CSRNP3: variants seen among roughly 807,000 people sequenced by gnomAD.
The protein encoded by CSRNP3 is cysteine/serine-rich nuclear protein 3.
Under a neutral mutation model 48.0 loss-of-function variants are expected in CSRNP3, and 12 were observed. That is an observed-to-expected ratio of 0.25 (90% CI 0.16 to 0.41). CSRNP3 has a LOEUF of 0.41. Ranked by LOEUF, CSRNP3 falls within the 10% of genes least tolerant of loss-of-function variation. The pLI, the probability that CSRNP3 is intolerant of heterozygous loss-of-function variation, is 1.00. For synonymous variants in CSRNP3, 263 were observed against 269.7 expected (o/e 0.98, Z 0.24); for missense variants, 580 against 724.4 (o/e 0.80, Z 2.29).
intron 3 of CSRNP3, among the ~76,000 whole-genome samples, chr2:165,538,153 A>G (rs1219990589): frequency 6.6e-6 from 1 of 151,994 alleles, no homozygotes; most frequent in South Asian, 2.1e-4. Context: ...TATTCATCCC[A>G]CAACACAGGA....
intron 5 of CSRNP3, among the ~76,000 whole-genome samples, chr2:165,660,148 C>T (rs1027665332): frequency 1.3e-5 from 2 of 152,156 alleles, no homozygotes; most frequent in Admixed American, 1.3e-4. Context: ...CACGGCAAAC[C>T]AACTCTACCC....
At chr2:165,516,862 C>T (rs1684589347) in intron 2 of CSRNP3, among the ~76,000 whole-genome samples, 1 of 152,088 alleles carries the variant, frequency 6.6e-6, no homozygotes, top group Admixed American at 6.5e-5. Flanking sequence ...CTTGGCGGCA[C>T]AATTTGCCTG....
chr2:165,549,522 T>G (rs1685071838), intron 3 of CSRNP3, among the ~76,000 whole-genome samples: 1 of 152,130 alleles, frequency 6.6e-6, no homozygotes, highest in Non-Finnish European at 1.5e-5. Context: ...CCCAACCCTA[T>G]TTAAGCCTAA....
intron 4 of CSRNP3, among the ~76,000 whole-genome samples, chr2:165,635,892 A>G (rs1024402329): frequency 2.0e-5 from 3 of 152,126 alleles, no homozygotes; most frequent in Non-Finnish European, 4.4e-5. Context: ...TCCTTGCTCC[A>G]TACCCATTTT....
At chr2:165,608,428 A>G (rs1686066937) in intron 4 of CSRNP3, among the ~76,000 whole-genome samples, 1 of 152,172 alleles carries the variant, frequency 6.6e-6, no homozygotes, top group Non-Finnish European at 1.5e-5. Flanking sequence ...AACACAGAGG[A>G]ATATTCTAAC....
chr2:165,549,469 CAG>C (rs1173631618), intron 3 of CSRNP3, among the ~76,000 whole-genome samples: 1 of 152,024 alleles, frequency 6.6e-6, no homozygotes, highest in Non-Finnish European at 1.5e-5. Context: ...ATAGAAAACA[CAG>C]GGGTCCAGTG....
intron 2 of CSRNP3, among the ~76,000 whole-genome samples, chr2:165,497,943 T>C (rs929060997): frequency 5.3e-5 from 8 of 152,144 alleles, no homozygotes; most frequent in Non-Finnish European, 8.8e-5. Flanking sequence ...TTTTGGTAAA[T>C]GTAACTGGCT....
intron 3 of CSRNP3, among the ~76,000 whole-genome samples, chr2:165,547,963 A>G (rs901293189): frequency 1.3e-5 from 2 of 152,090 alleles, no homozygotes; most frequent in Non-Finnish European, 2.9e-5. Flanking sequence ...GACAGAGATT[A>G]TATGTGTTGT....
chr2:165,550,050 C>A (rs1277915736), intron 3 of CSRNP3, among the ~76,000 whole-genome samples: 1 of 152,108 alleles, frequency 6.6e-6, no homozygotes, highest in African/African-American at 2.4e-5. Flanking sequence ...TAAGGTCTGG[C>A]TAAATATCCC....
intron 4 of CSRNP3, among the ~76,000 whole-genome samples, chr2:165,627,263 G>A (rs1218474132): frequency 1.3e-5 from 2 of 152,012 alleles, no homozygotes; most frequent in African/African-American, 4.8e-5. Flanking sequence ...CCTCTTTATA[G>A]CAGGTACAGT....
At chr2:165,558,436 G>T (rs947358977) in intron 3 of CSRNP3, among the ~76,000 whole-genome samples, 1 of 152,116 alleles carries the variant, frequency 6.6e-6, no homozygotes, top group African/African-American at 2.4e-5. Context: ...ATTTTCAAAG[G>T]TTTTACATAA....
chr2:165,525,929 T>C (rs140753724), intron 3 of CSRNP3, among the ~76,000 whole-genome samples: 101 of 152,340 alleles, frequency 6.6e-4, no homozygotes, highest in African/African-American at 2.2e-3. Context: ...TTATGAAAGA[T>C]TGAAGTTCAC....
At chr2:165,505,815 G>A (rs1161664527) in intron 2 of CSRNP3, among the ~76,000 whole-genome samples, 1 of 151,984 alleles carries the variant, frequency 6.6e-6, no homozygotes, top group East Asian at 1.9e-4. Flanking sequence ...AAAACCACAA[G>A]CATTCTTTAA....
intron 4 of CSRNP3, among the ~76,000 whole-genome samples, chr2:165,656,247 A>C (rs1326788512): frequency 6.6e-6 from 1 of 152,198 alleles, no homozygotes; most frequent in East Asian, 1.9e-4. Context: ...GGGTTACTTC[A>C]ATGTAAAATG....
chr2:165,616,377 A>T (rs958069750), intron 4 of CSRNP3, among the ~76,000 whole-genome samples: 4 of 151,816 alleles, frequency 2.6e-5, no homozygotes, highest in African/African-American at 4.8e-5. Context: ...TTATACTTTT[A>T]TGTATTTTTA....
chr2:165,497,251 T>G (rs991175794), intron 2 of CSRNP3, among the ~76,000 whole-genome samples: 4 of 147,376 alleles, frequency 2.7e-5, no homozygotes, highest in African/African-American at 1.1e-4. Context: ...AGCTGCAAAG[T>G]TGATGAGTTT....
At chr2:165,594,070 A>G (rs1685770185) in intron 3 of CSRNP3, among the ~76,000 whole-genome samples, 1 of 152,184 alleles carries the variant, frequency 6.6e-6, no homozygotes, top group Admixed American at 6.5e-5. Flanking sequence ...CTTGGGTGCC[A>G]TCCCCAAGGT....
intron 4 of CSRNP3, among the ~76,000 whole-genome samples, chr2:165,651,535 T>G (rs1686903913): frequency 1.3e-5 from 2 of 152,050 alleles, no homozygotes. Flanking sequence ...TTTTAATCTG[T>G]TCTTTTCACG....
At chr2:165,492,395 G>C (rs1441667539) in intron 1 of CSRNP3, among the ~76,000 whole-genome samples, 1 of 152,076 alleles carries the variant, frequency 6.6e-6, no homozygotes, top group Non-Finnish European at 1.5e-5. Flanking sequence ...CTGAAGACTT[G>C]TCTGACCTTA....
Sources: allele counts gnomAD v4.1 joint callset (sites outside exome capture counted in the v4.1 genomes callset), GRCh38; gene constraint gnomAD v4.1.1; transcripts MANE v1.5; gene names NCBI Gene and HGNC (gene_info 2026-07-23, HGNC 2026-07-21).